The following C5 variants were observed in gnomAD, a reference collection of about 807,000 sequenced individuals.
C5 encodes C3 and PZP-like alpha-2-macroglobulin domain-containing protein 4.
A neutral mutation model predicts 218.8 loss-of-function variants in C5; 140 were observed. The observed-to-expected ratio is 0.64, with a 90% CI of 0.56 to 0.74. The LOEUF is 0.74. Among genes scored for constraint, C5 ranks in the 30% least tolerant of loss-of-function variants. C5 has a pLI of 0.00. For synonymous variants in C5, 614 were observed against 682.3 expected (o/e 0.90, Z 1.56); for missense variants, 1,700 against 1,969.6 (o/e 0.86, Z 2.59).
chr9:120,952,441 C>T lies in C5; in HGVS notation c.*298G>A, dbSNP rs894477262. 3.1e-5 allele frequency: 11 copies of T among 354,922 alleles called. No individual in the cohort carries two copies. Among genetic ancestry groups the T allele is most frequent in the South Asian group, 7.2e-5 (3 of 41,820 alleles). 22.0% of individuals were successfully genotyped at this position (354,922 alleles called of 1,614,324 possible). ...ACTCCCTTTCAATGGACTGTTCTTTCGGCCCCAGCAAACATTCCTGAGTGG... is the reference window on the plus strand; with the variant it reads ...ACTCCCTTTCAATGGACTGTTCTTTTGGCCCCAGCAAACATTCCTGAGTGG... On this transcript the variant is annotated 3_prime_UTR_variant, in exon 41 of 41. Coordinates refer to ENST00000223642, the MANE Select transcript of C5 (RefSeq NM_001735.3).
intron 30 of C5, among the ~76,000 whole-genome samples, chr9:120,973,006 C>T (rs958778074): frequency 1.3e-5 from 2 of 152,146 alleles, no homozygotes; most frequent in African/African-American, 4.8e-5. Context: ...CCCAGAGTCA[C>T]CACACTTAAT....
rs34794535 is a variant in C5, at chr9:121,043,700, C to CTTT, written c.259-537_259-535dup. On this transcript the variant is annotated intron_variant, in intron 2 of 40. Coordinates refer to ENST00000223642, the MANE Select transcript of C5 (RefSeq NM_001735.3). Reference sequence around the variant, plus strand: ...GGTGTGCGCCACCATGTCCAGCTAACTTTTTTTTTTTTTTTTTTTTGTATT... The same window carrying CTTT: ...GGTGTGCGCCACCATGTCCAGCTAACTTTTTTTTTTTTTTTTTTTTTTTGTATT... 3.5e-3 allele frequency among the ~76,000 whole-genome samples: 420 copies of CTTT among 120,626 alleles called. 4 individuals are homozygous for CTTT. The highest frequency in any genetic ancestry group is 0.02 in the East Asian group (81 of 4,048). 79.1% of individuals were successfully genotyped at this position (120,626 alleles called of 152,430 possible).
chr9:121,053,421 G>A (rs1038885815), upstream of C5, among the ~76,000 whole-genome samples: 23 of 152,202 alleles, frequency 1.5e-4, no homozygotes, highest in African/African-American at 4.3e-4. Context: ...TGGAGGCTTC[G>A]GTGCCAGCAG....
At position 120,952,681 on chromosome 9, in the gene C5, G is replaced by A. The variant is rs537221507; in HGVS notation, c.*58C>T. 247 of 1,584,184 alleles carry A rather than the reference G, an allele frequency of 1.6e-4. No homozygotes were observed. In the African/African-American group the frequency reaches 3.0e-3, roughly 19 times the overall value. Reference sequence around the variant, plus strand: ...TAAAAAAAGAAGAAAACAAAAAAACGAACTTCAACAACAGGAGTCCATAAG... The same window carrying A: ...TAAAAAAAGAAGAAAACAAAAAAACAAACTTCAACAACAGGAGTCCATAAG... On this transcript the variant is annotated 3_prime_UTR_variant, in exon 41 of 41. Transcript: ENST00000223642.
chr9:121,000,641 T>C (rs772274495), intron 20 of C5, among the ~76,000 whole-genome samples: 12 of 152,182 alleles, frequency 7.9e-5, no homozygotes, highest in Non-Finnish European at 2.9e-5. Flanking sequence ...CAAAAAACTA[T>C]AAAAGTACTA....
the C5 span, among the ~76,000 whole-genome samples, chr9:121,067,387 C>T: frequency 6.6e-6 from 1 of 151,770 alleles, no homozygotes; most frequent in South Asian, 2.1e-4. Context: ...ATGGTGAAAC[C>T]CTGTCTCTAC....
the C5 span, among the ~76,000 whole-genome samples, chr9:121,062,719 T>A: frequency 1.3e-5 from 2 of 152,246 alleles, no homozygotes. Flanking sequence ...TGAATCTTAA[T>A]CACCAAAGTG....
intron 5 of C5, among the ~76,000 whole-genome samples, chr9:121,033,075 TAC>T (rs41308022): frequency 1.9e-4 from 28 of 151,074 alleles, no homozygotes; most frequent in African/African-American, 6.6e-4. Flanking sequence ...CACATATATA[TAC>T]ACACACACAC....
chr9:121,028,236 A>G (rs1261548386), intron 7 of C5, among the ~76,000 whole-genome samples: 1 of 152,234 alleles, frequency 6.6e-6, no homozygotes, highest in East Asian at 1.9e-4. Context: ...ACGCTTTTAC[A>G]CTGTTGGTGG....
Position 120,982,686 on chromosome 9 carries a change from T to G in C5, c.3359A>C (p.Glu1120Ala). 1 of 1,608,414 alleles carries G rather than the reference T, an allele frequency of 6.2e-7. No individual in the cohort carries two copies. The highest frequency in any genetic ancestry group is 1.3e-5 in the African/African-American group (1 of 74,916). ...NYQLDNGSFK[E>A]NSQYQPIKLQ... The stretch of plus-strand genomic sequence containing the variant: ...TTTTATTGGTTGATACTGTGAATTT[T>G]CCTTGAAAGATCCATTATCTAATTG... Residue 1120 changes from glutamate (E) to alanine (A), a missense_variant, in exon 26 of 41, where the codon GAA becomes GCA. Glu to Ala is a moderately radical substitution (Grantham distance 107). Coordinates refer to ENST00000223642, the MANE Select transcript of C5 (RefSeq NM_001735.3).
rs758196206 is a variant in C5, at chr9:120,961,575, CA to C, written c.4505-11del. ...ATGGTACACTGTTTATCTGTGGCAA[CA>C]AAAGTGTGGTTAAGAGAAGTGGTTT... On this transcript the variant is annotated splice_polypyrimidine_tract_variant and intron_variant, in intron 36 of 40. Coordinates refer to ENST00000223642, the MANE Select transcript of C5 (RefSeq NM_001735.3). 2 of 1,572,982 alleles carry C rather than the reference CA, an allele frequency of 1.3e-6. No homozygotes were observed. Among genetic ancestry groups the C allele is most frequent in the Non-Finnish European group, 1.8e-6 (2 of 1,142,722 alleles).
At chr9:121,036,873 TA>T (rs1328141407) in intron 4 of C5, among the ~76,000 whole-genome samples, 1 of 152,140 alleles carries the variant, frequency 6.6e-6, no homozygotes, top group Non-Finnish European at 1.5e-5. Flanking sequence ...TTTTTATTTT[TA>T]TTTTTTGGTT....
chr9:121,020,999 T>C lies in C5; in HGVS notation c.1302+510A>G, dbSNP rs145974977. Among the ~76,000 whole-genome samples the C allele has an allele frequency of 5.3e-5, 8 of 152,362 alleles. No homozygotes were observed. In the East Asian group the frequency reaches 1.5e-3, roughly 29 times the overall value. ...GCAGTCATTGGCCTATGTTATTATGTTACTAAGTTACTTTGTAACTATGTT... is the reference window on the plus strand; with the variant it reads ...GCAGTCATTGGCCTATGTTATTATGCTACTAAGTTACTTTGTAACTATGTT... On this transcript the variant is annotated intron_variant, in intron 11 of 40. Coordinates refer to ENST00000223642, the MANE Select transcript of C5 (RefSeq NM_001735.3).
rs571521330 is a variant in C5 at position 120,987,916 on chromosome 9, C to T, written c.3230+1130G>A. On this transcript the variant is annotated intron_variant, in intron 25 of 40. Transcript: ENST00000223642. Reference sequence around the variant, plus strand: ...TAAGTGATTCTCCTGCCTCAGCCTCCTGAGTAGCTGGGACTACAGGCACAT... The same window carrying T: ...TAAGTGATTCTCCTGCCTCAGCCTCTTGAGTAGCTGGGACTACAGGCACAT... Among the ~76,000 whole-genome samples the T allele has an allele frequency of 3.1e-4, 47 of 152,132 alleles. No homozygotes were observed. The East Asian group carries it at 8.8e-3, about 28-fold the overall frequency.
Position 121,020,168 on chromosome 9 carries a change from A to G in C5, c.1314T>C (p.Asp438=). Residue 438 remains aspartate (D), a synonymous_variant, in exon 12 of 41, where the codon GAT becomes GAC. Coordinates refer to ENST00000223642, the MANE Select transcript of C5 (RefSeq NM_001735.3). ...VTVLEFNVKT[D]APDLPEENQA... ...GATTTTCTTCTGGAAGATCTGGAGC[A>G]TCAGTTTTGACCTGAAAAGAGAAAT... is the stretch of plus-strand genomic sequence containing the variant. 3 of 1,613,836 alleles carry G rather than the reference A, an allele frequency of 1.9e-6. No individual in the cohort carries two copies. In the South Asian group the frequency reaches 3.3e-5, roughly 18 times the overall value.
At chr9:121,045,599 TTAAG>T (rs1279440714) in intron 2 of C5, among the ~76,000 whole-genome samples, 4 of 152,276 alleles carry the variant, frequency 2.6e-5, no homozygotes, top group Non-Finnish European at 2.9e-5. Context: ...ATTTTCTTTA[TTAAG>T]TATCAGAATT....
At chr9:121,062,239 T>G in the C5 span, among the ~76,000 whole-genome samples, 1 of 152,204 alleles carries the variant, frequency 6.6e-6, no homozygotes, top group Admixed American at 6.5e-5. Flanking sequence ...TTCTGCACCT[T>G]GTGAGCCCAC....
intron 30 of C5, among the ~76,000 whole-genome samples, chr9:120,972,226 A>C (rs1359183050): frequency 6.6e-6 from 1 of 152,226 alleles, no homozygotes; most frequent in Admixed American, 6.5e-5. Context: ...TGAGTGAACC[A>C]ACAAAAGCAA....
chr9:120,989,001 T>A (rs1044320720), intron 25 of C5, 45 bp downstream of exon 25: 1 of 1,339,260 alleles, frequency 7.5e-7, no homozygotes, highest in Middle Eastern at 1.8e-4. Context: ...ATTCTTTAGT[T>A]AATTAACCAC....
Sources: gnomAD v4.1 joint callset for allele counts (sites outside exome capture counted in the v4.1 genomes callset) on GRCh38, gnomAD v4.1.1 for gene constraint, MANE v1.5 for transcripts, NCBI Gene and HGNC (gene_info 2026-07-23, HGNC 2026-07-21) for gene names.